TJP1: variants seen among roughly 807,000 people sequenced by gnomAD.
TJP1 encodes the protein tight junction protein 1.
A neutral mutation model predicts 194.2 loss-of-function variants in TJP1; 43 were observed. That is an observed-to-expected ratio of 0.22 (90% CI 0.17 to 0.29). The LOEUF (loss-of-function observed/expected upper bound fraction) is 0.29, where lower values mean the gene tolerates loss of function less well. Ranked by LOEUF, TJP1 falls within the 10% of genes least tolerant of loss-of-function variation. The pLI, the probability that TJP1 is intolerant of heterozygous loss-of-function variation, is 1.00. For synonymous variants in TJP1, 801 were observed against 779.0 expected, an observed-to-expected ratio of 1.03 and a Z score of -0.47; for missense variants, 1,971 against 2,185.7, an observed-to-expected ratio of 0.90 and a Z score of 1.96.
At chr15:29,709,656 C>T (rs1047694088) in intron 24 of TJP1, among the ~76,000 whole-genome samples, 1 of 152,222 alleles carries the variant, frequency 6.6e-6, no homozygotes, top group Non-Finnish European at 1.5e-5. Flanking sequence ...AAACATCTGA[C>T]TGCTTTCAGC....
chr15:29,742,422 T>A (rs2044484423), intron 9 of TJP1, among the ~76,000 whole-genome samples: 1 of 152,242 alleles, frequency 6.6e-6, no homozygotes, highest in Non-Finnish European at 1.5e-5. Context: ...AAGTTGTTAA[T>A]GATAAATATT....
upstream of TJP1, chr15:29,823,445 T>G (rs2050549760): frequency 1.3e-5 from 2 of 152,338 alleles, no homozygotes; most frequent in South Asian, 4.1e-4. Context: ...AAATCCTTAG[T>G]AACATCAATG....
intron 2 of TJP1, among the ~76,000 whole-genome samples, chr15:29,858,016 G>T (rs2152095632): frequency 6.6e-6 from 1 of 152,280 alleles, no homozygotes; most frequent in African/African-American, 2.4e-5. Context: ...ACCCGCCTCA[G>T]TCTCCTAAAA....
chr15:29,826,390 C>T (rs1177709735), upstream of TJP1, among the ~76,000 whole-genome samples: 1 of 152,166 alleles, frequency 6.6e-6, no homozygotes, highest in Non-Finnish European at 1.5e-5. Context: ...CATCCCTTAG[C>T]GGTTTGTCCT....
intron 2 of TJP1, among the ~76,000 whole-genome samples, chr15:29,786,007 A>G (rs895149265): frequency 1.3e-5 from 2 of 152,166 alleles, no homozygotes; most frequent in Non-Finnish European, 2.9e-5. Context: ...TTCCATGGGG[A>G]TCCCAAGAGA....
intron 8 of TJP1, among the ~76,000 whole-genome samples, chr15:29,745,287 T>A: frequency 8.1e-6 from 1 of 123,698 alleles, no homozygotes. Flanking sequence ...CACGAGCTAA[T>A]GGTCCCAAAA....
intron 1 of TJP1, among the ~76,000 whole-genome samples, chr15:29,817,643 A>G (rs1202768902): frequency 6.6e-6 from 1 of 152,240 alleles, no homozygotes; most frequent in African/African-American, 2.4e-5. Context: ...ACCATGGTAT[A>G]CTATGCAGCC....
chr15:29,795,014 A>G (rs1425576510), intron 2 of TJP1, among the ~76,000 whole-genome samples: 1 of 152,212 alleles, frequency 6.6e-6, no homozygotes, highest in African/African-American at 2.4e-5. Context: ...ATAAATAATG[A>G]AACAAAACAA....
intron 2 of TJP1, among the ~76,000 whole-genome samples, chr15:29,833,288 A>G (rs1170894673): frequency 1.3e-5 from 2 of 152,224 alleles, no homozygotes. Context: ...TAATATACGT[A>G]TAAGGATTGT....
At chr15:29,833,489 G>C (rs1163942892) in intron 2 of TJP1, among the ~76,000 whole-genome samples, 1 of 151,944 alleles carries the variant, frequency 6.6e-6, no homozygotes, top group African/African-American at 2.4e-5. Flanking sequence ...TGCCTCCCGG[G>C]TTCAAGCAAT....
intron 2 of TJP1, among the ~76,000 whole-genome samples, chr15:29,887,952 G>A (rs1294242483): frequency 1.3e-5 from 2 of 152,026 alleles, no homozygotes; most frequent in Admixed American, 1.3e-4. Context: ...CCACTTCTGG[G>A]AATCTAGCCT....
chr15:29,929,350 A>G (rs1632356), intron 2 of TJP1, among the ~76,000 whole-genome samples: 38,643 of 151,906 alleles, frequency 0.25, 5,112 homozygotes, highest in East Asian at 0.34. Flanking sequence ...AGAGAAATGT[A>G]GAGTTTTACG....
At chr15:29,734,642 C>T (rs547870799) in intron 11 of TJP1, among the ~76,000 whole-genome samples, 21 of 152,094 alleles carry the variant, frequency 1.4e-4, no homozygotes, top group African/African-American at 4.8e-4. Context: ...CACCACCACA[C>T]CCAGCTAATT....
chr15:29,709,152 G>C, intron 24 of TJP1, 116 bp from the exon 25 acceptor site: 1 of 954,000 alleles, frequency 1.0e-6, no homozygotes, highest in Non-Finnish European at 1.6e-6. Flanking sequence ...CGCACAGCCA[G>C]AGCCTGACTC....
At chr15:29,939,264 A>G (rs1174604500) in intron 2 of TJP1, among the ~76,000 whole-genome samples, 1 of 152,148 alleles carries the variant, frequency 6.6e-6, no homozygotes, top group African/African-American at 2.4e-5. Flanking sequence ...ATGACATACG[A>G]TCTTTTAGTC....
At chr15:29,798,506 A>G (rs1328135538) in intron 2 of TJP1, among the ~76,000 whole-genome samples, 1 of 152,144 alleles carries the variant, frequency 6.6e-6, no homozygotes, top group Non-Finnish European at 1.5e-5. Flanking sequence ...TTTGCATTTT[A>G]GATTTCAGAT....
In TJP1 at chr15:29,956,186, T is replaced by C. The variant is rs1460284391; in HGVS notation, c.306+46A>G. ...TATGAAAATAATAAAATAAAAACTT[T>C]CATACTCTTTGGAAAAATGAGAAAA... On this transcript the variant is annotated intron_variant, in intron 2 of 28. Coordinates refer to the TJP1 transcript ENST00000356107. 2.6e-6 allele frequency: 3 copies of C among 1,161,716 alleles called. No individual in the cohort carries two copies. The African/African-American group carries it at 4.8e-5, about 19-fold the overall frequency. The allele number at this position is 1,161,716 out of a possible 1,614,324, so 72.0% of individuals were successfully genotyped here.
In TJP1 at chr15:29,719,128, T is replaced by C. The variant is rs185067318; in HGVS notation, c.3014A>G (p.Lys1005Arg). The change falls in exon 21 of 28, where the codon AAG becomes AGG. Residue 1005 changes from lysine to arginine, a missense_variant. Transcript: ENST00000614355. Reference sequence around the variant, plus strand: ...CATCATTTCCTCGGGATATGGATCCTTTCTATACACCTGTATAAAAAATTC... The same window carrying C: ...CATCATTTCCTCGGGATATGGATCCCTTCTATACACCTGTATAAAAAATTC... ...SHVDPTKVYR[K>R]DPYPEEMMRQ... 6.2e-7 allele frequency: 1 copy of C among 1,609,278 alleles called. No homozygotes were observed. The highest frequency in any genetic ancestry group is 8.5e-7 in the Non-Finnish European group (1 of 1,178,372).
intron 24 of TJP1, among the ~76,000 whole-genome samples, chr15:29,709,263 C>T (rs924524625): frequency 1.3e-5 from 2 of 152,118 alleles, no homozygotes; most frequent in African/African-American, 4.8e-5. Flanking sequence ...CAGGGTCCAG[C>T]TGCTAAGATT....
Sources: allele counts gnomAD v4.1 joint callset (sites outside exome capture counted in the v4.1 genomes callset), GRCh38; gene constraint gnomAD v4.1.1; transcripts MANE v1.5; gene names NCBI Gene and HGNC (gene_info 2026-07-23, HGNC 2026-07-21).